PRKCE: variants seen among roughly 807,000 people sequenced by gnomAD.
The protein encoded by PRKCE is protein kinase C epsilon.
PRKCE carries 16 observed loss-of-function variants against 85.4 expected under a neutral mutation model. The observed-to-expected ratio is 0.19, with a 90% CI of 0.13 to 0.28. PRKCE has a LOEUF of 0.28. Among genes scored for constraint, PRKCE ranks in the 10% least tolerant of loss-of-function variants. The pLI is 1.00. For missense variants in PRKCE, 573 were observed against 975.2 expected (o/e 0.59, Z 5.49); for synonymous variants, 388 against 371.5 (o/e 1.04, Z -0.51).
At chr2:45,888,466 T>C (rs13007866) in intron 2 of PRKCE, among the ~76,000 whole-genome samples, 1 of 33,710 alleles carries the variant, frequency 3.0e-5, no homozygotes, top group Non-Finnish European at 7.2e-5. Flanking sequence ...CCCAACAGTC[T>C]TTTTTTTTTT....
At chr2:45,984,730 C>A in intron 6 of PRKCE, 50 bp downstream of exon 6, 2 of 1,567,750 alleles carry the variant, frequency 1.3e-6, no homozygotes, top group Non-Finnish European at 8.6e-7. Context: ...CCCTTCCTTG[C>A]TGCCTGCCCC....
intron 1 of PRKCE, among the ~76,000 whole-genome samples, chr2:45,691,964 C>A (rs944603946): frequency 6.6e-6 from 1 of 152,142 alleles, no homozygotes; most frequent in Non-Finnish European, 1.5e-5. Context: ...ACTATGTGTC[C>A]GTTGTTCTAT....
At position 45,903,887 on chromosome 2, in the gene PRKCE, T is replaced by TG. The variant is rs1553445441; in HGVS notation, c.412+60824_412+60825insG. Among the ~76,000 whole-genome samples the TG allele has an allele frequency of 2.1e-4, 22 of 102,682 alleles. 1 individual carries two copies. In the East Asian group the frequency reaches 3.4e-3, roughly 16 times the overall value. The allele number at this position is 102,682 out of a possible 152,430, so 67.4% of individuals were successfully genotyped here. On this transcript the variant is annotated intron_variant, in intron 2 of 14. Coordinates refer to ENST00000306156, the MANE Select transcript of PRKCE (RefSeq NM_005400.3). The stretch of plus-strand genomic sequence containing the variant: ...GAGAGCTTGTAGCCTGGCAGTTTTT[T>TG]TTTGTTTGTTTGTTTGTTTGTTTGT...
intron 1 of PRKCE, among the ~76,000 whole-genome samples, chr2:45,820,418 G>A (rs930985656): frequency 2.6e-5 from 4 of 151,906 alleles, no homozygotes; most frequent in Non-Finnish European, 5.9e-5. Flanking sequence ...GAGGGGGAGA[G>A]GGGGAGTTTG....
chr2:45,852,716 G>C (rs1291010140), intron 2 of PRKCE, among the ~76,000 whole-genome samples: 1 of 152,108 alleles, frequency 6.6e-6, no homozygotes, highest in Non-Finnish European at 1.5e-5. Flanking sequence ...GGGGGAAGTG[G>C]GAGATAATAA....
At position 46,010,392 on chromosome 2, in the gene PRKCE, G is replaced by A; in HGVS notation, c.1312G>A (p.Val438Ile). ...CAAAGATGAAGTATATGCTGTGAAG[G>A]TCTTAAAGAAGGACGTCATCCTTCA... ...KGKDEVYAVK[V>I]LKKDVILQDD... is the part of the protein sequence containing the mutation. Residue 438 changes from valine (V) to isoleucine (I), a missense_variant, in exon 10 of 15, where the codon GTC becomes ATC. Around this residue, in one of 11 missense-constraint regions of PRKCE, gnomAD observed 89 missense variants for 154.1 expected, o/e 0.58. Transcript: ENST00000306156. The A allele has an allele frequency of 6.3e-7, 1 of 1,599,622 alleles. No individual in the cohort carries two copies. The highest frequency in any genetic ancestry group is 8.5e-7 in the Non-Finnish European group (1 of 1,179,916).
chr2:45,954,978 G>A (rs1383656073), intron 2 of PRKCE, among the ~76,000 whole-genome samples: 1 of 152,130 alleles, frequency 6.6e-6, no homozygotes, highest in Non-Finnish European at 1.5e-5. Flanking sequence ...GGGGGTATGG[G>A]GTGAGGTTGG....
In PRKCE at chr2:45,671,841, G is replaced by C. The variant is rs530245016; in HGVS notation, c.348+19393G>C. ...CCAAGCACTTTGCGAGGCCGAGGCAGGGGGATTGCTTGAGGTCAAGACCAG... is the reference window on the plus strand; with the variant it reads ...CCAAGCACTTTGCGAGGCCGAGGCACGGGGATTGCTTGAGGTCAAGACCAG... On this transcript the variant is annotated intron_variant, in intron 1 of 14. Coordinates refer to ENST00000306156, the MANE Select transcript of PRKCE (RefSeq NM_005400.3). Among the ~76,000 whole-genome samples the C allele has an allele frequency of 2.6e-5, 4 of 152,244 alleles. No individual in the cohort carries two copies. In the South Asian group the frequency reaches 6.2e-4, roughly 24 times the overall value.
intron 1 of PRKCE, among the ~76,000 whole-genome samples, chr2:45,703,539 A>T (rs1386492909): frequency 1.2e-5 from 1 of 84,548 alleles, no homozygotes; most frequent in Non-Finnish European, 3.3e-5. Flanking sequence ...CCTTGTCTCT[A>T]AAAAAAAAAG....
At chr2:45,683,078 T>C (rs1017892993) in intron 1 of PRKCE, among the ~76,000 whole-genome samples, 3 of 152,238 alleles carry the variant, frequency 2.0e-5, no homozygotes, top group African/African-American at 7.2e-5. Context: ...CATTTTATCC[T>C]CTTGACAAAT....
rs926180867 is a variant in PRKCE at position 46,185,619 on chromosome 2, G to C, written c.*738G>C. 4.6e-5 allele frequency: 7 copies of C among 152,668 alleles called. No homozygotes were observed. The highest frequency in any genetic ancestry group is 2.0e-4 in the Admixed American group (3 of 15,284). The allele number at this position is 152,668 out of a possible 1,614,324, so 9.5% of individuals were successfully genotyped here. ...AAATTCACTTTCTAATTGGCCAAAA[G>C]AGATGAGTTCCAGTCTGAATACAGG... On this transcript the variant is annotated 3_prime_UTR_variant, in exon 15 of 15. Coordinates refer to ENST00000306156, the MANE Select transcript of PRKCE (RefSeq NM_005400.3). The surrounding 1 kb of genome is among the most constrained non-coding windows in gnomAD (Gnocchi z 4.7).
intron 10 of PRKCE, among the ~76,000 whole-genome samples, chr2:46,051,723 G>T (rs980105306): frequency 2.0e-5 from 3 of 152,156 alleles, no homozygotes; most frequent in Non-Finnish European, 4.4e-5. Context: ...AATCCTCAAT[G>T]ATGCTATATT....
chr2:45,960,938 G>A (rs6728240), intron 2 of PRKCE, among the ~76,000 whole-genome samples: 13 of 152,078 alleles, frequency 8.5e-5, no homozygotes, highest in South Asian at 2.1e-4. Context: ...AATGGCCCTC[G>A]CAGAGGCTTT....
At chr2:45,986,744 G>A (rs184597313) in intron 6 of PRKCE, among the ~76,000 whole-genome samples, 1 of 152,282 alleles carries the variant, frequency 6.6e-6, no homozygotes, top group African/African-American at 2.4e-5. Flanking sequence ...ATGAGGAGGT[G>A]CTGACTGTGG....
chr2:46,187,486 A>C lies in PRKCE; in HGVS notation c.*2605A>C, dbSNP rs1680528712. On this transcript the variant is annotated 3_prime_UTR_variant, in exon 15 of 15. Coordinates refer to ENST00000306156, the MANE Select transcript of PRKCE (RefSeq NM_005400.3). ...ATTTTCATTTTTACGAGAGTTTGAA[A>C]ATAGACACACTGTTAACACTTCTGC... The C allele has an allele frequency of 1.3e-5, 2 of 152,572 alleles. No homozygotes were observed. The highest frequency in any genetic ancestry group is 1.3e-4 in the Admixed American group (2 of 15,204). 9.5% of individuals were successfully genotyped at this position (152,572 alleles called of 1,614,324 possible).
intron 1 of PRKCE, among the ~76,000 whole-genome samples, chr2:45,837,244 G>T (rs1312957289): frequency 6.6e-6 from 1 of 152,168 alleles, no homozygotes. Context: ...TGAGAAACAG[G>T]AGTTGAGGGA....
intron 11 of PRKCE, among the ~76,000 whole-genome samples, chr2:46,131,040 C>G (rs908961471): frequency 6.6e-6 from 1 of 152,218 alleles, no homozygotes; most frequent in Non-Finnish European, 1.5e-5. Context: ...TCATCCACAT[C>G]TATGGCCAAA....
In PRKCE at chr2:45,899,384, CT is replaced by C. The variant is rs1028345493; in HGVS notation, c.412+56334del. On this transcript the variant is annotated intron_variant, in intron 2 of 14. Coordinates refer to ENST00000306156, the MANE Select transcript of PRKCE (RefSeq NM_005400.3). ...CAAGTCTTTTTAAAAAATTTTTTTT[CT>C]TTTTTTTTTTTTGTAGATAGAGTCT... 4.0e-3 allele frequency among the ~76,000 whole-genome samples: 564 copies of C among 142,660 alleles called. 2 individuals are homozygous for C. Among genetic ancestry groups the C allele is most frequent in the African/African-American group, 9.2e-3 (358 of 39,000 alleles). The allele number at this position is 142,660 out of a possible 152,430, so 93.6% of individuals were successfully genotyped here. A position where few individuals can be genotyped will look rare whatever the true frequency, so the allele number is the denominator to read the frequency against.
intron 1 of PRKCE, among the ~76,000 whole-genome samples, chr2:45,667,490 A>C (rs1253219543): frequency 6.6e-6 from 1 of 152,082 alleles, no homozygotes; most frequent in Non-Finnish European, 1.5e-5. Context: ...TATTGATCTA[A>C]ATAATAGACT....
Sources: allele counts gnomAD v4.1 joint callset (sites outside exome capture counted in the v4.1 genomes callset), GRCh38; gene constraint gnomAD v4.1.1; regional missense constraint gnomAD v4.1.1; non-coding constraint Gnocchi (gnomAD v3.1); transcripts MANE v1.5; gene names NCBI Gene and HGNC (gene_info 2026-07-23, HGNC 2026-07-21).